The following ZRANB3 variants were observed in gnomAD, a reference collection of about 807,000 sequenced individuals.
ZRANB3 encodes the protein zinc finger RANBP2-type containing 3, also known as DNA annealing helicase and endonuclease ZRANB3.
In ZRANB3, 125 loss-of-function variants were observed where a neutral mutation model predicts 133.8. The ratio of observed to expected loss-of-function variants is 0.93; its 90% CI spans 0.81 to 1.08. The LOEUF (loss-of-function observed/expected upper bound fraction) is 1.08, where lower values mean the gene tolerates loss of function less well. Ranked by LOEUF, ZRANB3 falls within the 50% of genes least tolerant of loss-of-function variation. ZRANB3 has a pLI of 0.00. For missense variants in ZRANB3, 1,229 were observed against 1,275.5 expected (o/e 0.96, Z 0.56); for synonymous variants, 387 against 432.7 (o/e 0.89, Z 1.31).
chr2:135,402,298 T>C (rs1474838830), intron 2 of ZRANB3, among the ~76,000 whole-genome samples: 6 of 148,876 alleles, frequency 4.0e-5, no homozygotes, highest in African/African-American at 1.5e-4. Flanking sequence ...TTTCTCTCTT[T>C]TTTTTTTTTT....
intron 3 of ZRANB3, among the ~76,000 whole-genome samples, chr2:135,384,053 G>A (rs1012299579): frequency 6.6e-6 from 1 of 152,120 alleles, no homozygotes; most frequent in Admixed American, 6.5e-5. Context: ...ACGAATCCAG[G>A]AGCTGGTTTT....
chr2:135,313,326 C>A, intron 8 of ZRANB3, among the ~76,000 whole-genome samples, 163 bp downstream of exon 8: 2 of 140,648 alleles, frequency 1.4e-5, no homozygotes, highest in African/African-American at 2.7e-5. Context: ...GCATTCCAGC[C>A]AGGGTGACAG....
At chr2:135,275,873 C>T in intron 8 of ZRANB3, 118 bp from the exon 9 acceptor site, 1 of 777,136 alleles carries the variant, frequency 1.3e-6, no homozygotes, top group Non-Finnish European at 1.8e-6. Flanking sequence ...CTTTTAGCTG[C>T]ATTGTTCTCT....
chr2:135,519,951 T>C (rs1693855565), intron 1 of ZRANB3, among the ~76,000 whole-genome samples: 1 of 152,062 alleles, frequency 6.6e-6, no homozygotes, highest in Non-Finnish European at 1.5e-5. Context: ...GAAGAGGATA[T>C]GGTATATATA....
At chr2:135,451,709 C>T (rs139361317) in intron 2 of ZRANB3, among the ~76,000 whole-genome samples, 1 of 152,118 alleles carries the variant, frequency 6.6e-6, no homozygotes, top group East Asian at 1.9e-4. Context: ...GGAGGAAAAC[C>T]AATCAACTAA....
At chr2:135,474,907 C>T (rs1287184540) in intron 2 of ZRANB3, among the ~76,000 whole-genome samples, 1 of 151,966 alleles carries the variant, frequency 6.6e-6, no homozygotes, top group Non-Finnish European at 1.5e-5. Context: ...TATCATAAAC[C>T]GAGAATTGAG....
intron 2 of ZRANB3, among the ~76,000 whole-genome samples, chr2:135,469,244 G>GACACACACAC (rs149939641): frequency 2.7e-5 from 4 of 147,756 alleles, no homozygotes; most frequent in African/African-American, 9.9e-5. Flanking sequence ...CATGCATGCA[G>GACACACACAC]ACACACACAC....
At chr2:135,457,116 G>C (rs576022534) in intron 2 of ZRANB3, among the ~76,000 whole-genome samples, 15 of 152,248 alleles carry the variant, frequency 9.9e-5, no homozygotes, top group Admixed American at 9.2e-4. Flanking sequence ...TCAGCATGAT[G>C]TTTTCAAGGT....
chr2:135,219,149 A>C lies in ZRANB3; in HGVS notation c.2280T>G (p.Ile760Met). The change falls in exon 16 of 21, where the codon ATT (isoleucine) becomes ATG (methionine). Residue 760 changes from isoleucine to methionine, a missense_variant. By Grantham distance (10) the Ile-to-Met change is conservative. Transcript: ENST00000264159. ...KDGKQMSCNF[I>M]PLDIKLDLWE... The stretch of plus-strand genomic sequence containing the variant: ...AAAGGTCTAATTTTATATCCAGAGG[A>C]ATGAAATTACAGCTCATCTGTTTTC... 6.5e-7 allele frequency: 1 copy of C among 1,535,828 alleles called. No individual in the cohort carries two copies. Among genetic ancestry groups the C allele is most frequent in the Non-Finnish European group, 8.7e-7 (1 of 1,146,840 alleles).
intron 17 of ZRANB3, among the ~76,000 whole-genome samples, chr2:135,213,823 C>T (rs780339360): frequency 1.3e-5 from 2 of 152,086 alleles, no homozygotes; most frequent in Non-Finnish European, 2.9e-5. Flanking sequence ...GATTACTAAT[C>T]AGCTCACTTT....
chr2:135,450,295 T>TAAA (rs11298818), intron 2 of ZRANB3, among the ~76,000 whole-genome samples: 2 of 136,114 alleles, frequency 1.5e-5, no homozygotes, highest in African/African-American at 2.6e-5. Context: ...AAAATAAAAT[T>TAAA]AAAAAAAAAA....
At chr2:135,221,843 C>T (rs1480058597) in intron 15 of ZRANB3, among the ~76,000 whole-genome samples, 1 of 152,144 alleles carries the variant, frequency 6.6e-6, no homozygotes, top group Non-Finnish European at 1.5e-5. Context: ...TTGATTACTG[C>T]CTGGCTTGGT....
intron 2 of ZRANB3, among the ~76,000 whole-genome samples, chr2:135,480,208 C>A (rs968702593): frequency 6.6e-6 from 1 of 151,956 alleles, no homozygotes; most frequent in African/African-American, 2.4e-5. Context: ...TCCCAAAGTG[C>A]TGGGATTACA....
chr2:135,231,037 A>C (rs1694990255), intron 12 of ZRANB3, 110 bp from the exon 13 acceptor site: 1 of 982,810 alleles, frequency 1.0e-6, no homozygotes. Flanking sequence ...TTATCCTTTA[A>C]ATACCTTTTG....
chr2:135,255,914 T>TC lies in ZRANB3; in HGVS notation c.1539+9619_1539+9620insG, dbSNP rs1679630508. ...TATTTAAAGGTCAACTCATTAAAATTTTTTTTTTTTTTTTTTTGAGGCAGG... is the reference window on the plus strand; with the variant it reads ...TATTTAAAGGTCAACTCATTAAAATTCTTTTTTTTTTTTTTTTTGAGGCAGG... On this transcript the variant is annotated intron_variant, in intron 12 of 20. Transcript: ENST00000264159. Among the ~76,000 whole-genome samples the TC allele has an allele frequency of 6.5e-5, 7 of 108,232 alleles. No homozygotes were observed. In the East Asian group the frequency reaches 1.1e-3, roughly 17 times the overall value. 71.0% of individuals were successfully genotyped at this position (108,232 alleles called of 152,430 possible).
chr2:135,345,546 T>G lies in ZRANB3; in HGVS notation c.677+4A>C, dbSNP rs1301559432. The G allele has an allele frequency of 6.3e-6, 10 of 1,596,236 alleles. No individual in the cohort carries two copies. In the Admixed American group the frequency reaches 1.8e-4, roughly 29 times the overall value. On this transcript the variant is annotated splice_donor_region_variant and intron_variant, in intron 6 of 20. Transcript: ENST00000264159. ...AAAAATTTACGGAAAATAGTTTAACTTACCTGATGTGTGCATTACAGTATC... is the reference window on the plus strand; with the variant it reads ...AAAAATTTACGGAAAATAGTTTAACGTACCTGATGTGTGCATTACAGTATC...
intron 2 of ZRANB3, among the ~76,000 whole-genome samples, chr2:135,394,183 C>T (rs767002406): frequency 6.6e-6 from 1 of 152,058 alleles, no homozygotes; most frequent in African/African-American, 2.4e-5. Flanking sequence ...TATACTCAGC[C>T]GAGATACCCC....
chr2:135,386,913 C>A (rs1262365026), intron 3 of ZRANB3, among the ~76,000 whole-genome samples: 3 of 150,638 alleles, frequency 2.0e-5, no homozygotes, highest in Non-Finnish European at 4.4e-5. Flanking sequence ...ATGGGTGCAG[C>A]AAACCAACAT....
At chr2:135,389,265 C>T (rs982502363) in intron 3 of ZRANB3, among the ~76,000 whole-genome samples, 18 of 152,262 alleles carry the variant, frequency 1.2e-4, no homozygotes, top group Non-Finnish European at 1.5e-4. Context: ...TCTAAATAAA[C>T]ACCTATTGAA....
Sources: gnomAD v4.1 joint callset for allele counts (sites outside exome capture counted in the v4.1 genomes callset) on GRCh38, gnomAD v4.1.1 for gene constraint, MANE v1.5 for transcripts, NCBI Gene and HGNC (gene_info 2026-07-23, HGNC 2026-07-21) for gene names.